The following UGT1A5 variants were observed in gnomAD, a reference collection of about 807,000 sequenced individuals.
UGT1A5 encodes the protein UDP-glucuronosyltransferase 1A5.
Under a neutral mutation model 40.3 loss-of-function variants are expected in UGT1A5, and 29 were observed. That is an observed-to-expected ratio of 0.72 (90% CI 0.54 to 0.98). The LOEUF (loss-of-function observed/expected upper bound fraction) is 0.98, where lower values mean the gene tolerates loss of function less well. UGT1A5 is among the 50% of genes least tolerant of loss of function. UGT1A5 has a pLI of 0.00. For synonymous variants in UGT1A5, 257 were observed against 262.5 expected, an observed-to-expected ratio of 0.98 and a Z score of 0.20; for missense variants, 678 against 677.9, an observed-to-expected ratio of 1.00 and a Z score of 0.00.
At chr2:233,729,141 C>T (rs751723491) in intron 1 of UGT1A5, 1 of 1,613,272 alleles carries the variant, frequency 6.2e-7, no homozygotes, top group Admixed American at 1.7e-5. Flanking sequence ...CCACAGGACT[C>T]CAGGTTCCCC....
chr2:233,767,305 G>GT (rs1444114295), intron 2 of UGT1A5, 140 bp downstream of exon 2: 37 of 1,518,952 alleles, frequency 2.4e-5, no homozygotes, highest in Admixed American at 1.8e-4. Flanking sequence ...TAATCCAAAG[G>GT]TTTTTTTTGT....
chr2:233,719,929 A>G (rs1186808280), intron 1 of UGT1A5, among the ~76,000 whole-genome samples: 1 of 152,194 alleles, frequency 6.6e-6, no homozygotes, highest in African/African-American at 2.4e-5. Context: ...ACTCACGGAC[A>G]GTGTTTGTAA....
rs1231652913 is a variant in UGT1A5 at position 233,713,567 on chromosome 2, C to A, written c.576C>A (p.Ser192=). ...FKGTQCPNPS[S]YIPRLLTTNS... is the part of the protein sequence containing the mutation. The stretch of plus-strand genomic sequence containing the variant: ...GCACACAGTGTCCAAACCCTTCCTC[C>A]TATATTCCTAGATTACTAACGACCA... The change falls in exon 1 of 5, where the codon TCC becomes TCA. Residue 192 remains serine (S), a synonymous_variant. Coordinates refer to ENST00000373414, the MANE Select transcript of UGT1A5 (RefSeq NM_019078.2). 5.6e-6 allele frequency: 9 copies of A among 1,613,854 alleles called. No homozygotes were observed. Among genetic ancestry groups the A allele is most frequent in the Non-Finnish European group, 7.6e-6 (9 of 1,179,870 alleles).
At chr2:233,752,028 A>G (rs754794292) in intron 1 of UGT1A5, among the ~76,000 whole-genome samples, 5 of 152,356 alleles carry the variant, frequency 3.3e-5, no homozygotes, top group South Asian at 4.1e-4. Context: ...AGAAATTCCT[A>G]GAAAGGTAAG....
rs999962124 is a variant in UGT1A5 at position 233,747,799 on chromosome 2, A to G, written c.868-19235A>G. The G allele has an allele frequency of 2.5e-6, 4 of 1,613,352 alleles. No homozygotes were observed. The African/African-American group carries it at 4.0e-5, about 16-fold the overall frequency. ...CCAAATCCTTCCTCCTATATTCCTA[A>G]GTTACTAACGACCAATTCAGACCAC... On this transcript the variant is annotated intron_variant, in intron 1 of 4. Coordinates refer to ENST00000373414, the MANE Select transcript of UGT1A5 (RefSeq NM_019078.2).
At chr2:233,767,390 G>C (rs946979684) in intron 2 of UGT1A5, among the ~76,000 whole-genome samples, 5 of 152,078 alleles carry the variant, frequency 3.3e-5, no homozygotes, top group Admixed American at 2.6e-4. Context: ...ACACTCAGAA[G>C]TATCATTTTC....
Position 233,757,543 on chromosome 2 carries a change from T to TACATATAC in UGT1A5, c.868-9490_868-9489insCATATACA, listed in dbSNP as rs1320189051. ...AAATCTTGCCTGTAAGGAATATATA[T>TACATATAC]ATATATATATATATATATGTATATA... On this transcript the variant is annotated intron_variant, in intron 1 of 4. Transcript: ENST00000373414. Among the ~76,000 whole-genome samples, 305 of 117,198 alleles carry TACATATAC rather than the reference T, an allele frequency of 2.6e-3. 10 individuals are homozygous for TACATATAC. The highest frequency in any genetic ancestry group is 3.4e-3 in the Non-Finnish European group (191 of 55,852). The allele number at this position is 117,198 out of a possible 152,430, so 76.9% of individuals were successfully genotyped here.
Position 233,748,846 on chromosome 2 carries a change from G to A in UGT1A5, c.868-18188G>A, listed in dbSNP as rs117649476. ...CTAGGGAGGAGATAAAACTGTGAGC[G>A]TATAAGCCCAGTTAAGCTGGGGACG... On this transcript the variant is annotated intron_variant, in intron 1 of 4. Transcript: ENST00000373414. Among the ~76,000 whole-genome samples, 30 of 151,478 alleles carry A rather than the reference G, an allele frequency of 2.0e-4. 1 individual carries two copies. The East Asian group carries it at 5.4e-3, about 27-fold the overall frequency.
At chr2:233,764,430 T>C (rs1698558125) in intron 1 of UGT1A5, among the ~76,000 whole-genome samples, 1 of 152,218 alleles carries the variant, frequency 6.6e-6, no homozygotes, top group African/African-American at 2.4e-5. Flanking sequence ...AATCTCCAGA[T>C]GAACTTTTGT....
intron 1 of UGT1A5, among the ~76,000 whole-genome samples, chr2:233,717,449 A>C (rs2076575928): frequency 6.6e-6 from 1 of 152,324 alleles, no homozygotes; most frequent in Admixed American, 6.5e-5. Flanking sequence ...GCATCCATTC[A>C]CTGCCTGTCC....
intron 1 of UGT1A5, chr2:233,729,420 A>G (rs2077855113): frequency 5.6e-6 from 9 of 1,613,854 alleles, no homozygotes; most frequent in Middle Eastern, 1.7e-4. Flanking sequence ...GCCACACTCA[A>G]CTGTACTTTG....
chr2:233,722,026 G>T, intron 1 of UGT1A5: 1 of 245,738 alleles, frequency 4.1e-6, no homozygotes, highest in Non-Finnish European at 8.2e-6. Context: ...GAAACCTCTT[G>T]AATTGCATGA....
rs886183040 is a variant in UGT1A5, at chr2:233,769,751, A to C, written c.1307+1312A>C. 1.1e-5 allele frequency: 16 copies of C among 1,422,712 alleles called. No homozygotes were observed. Among genetic ancestry groups the C allele is most frequent in the Non-Finnish European group, 1.5e-5 (16 of 1,085,126 alleles). 88.1% of individuals were successfully genotyped at this position (1,422,712 alleles called of 1,614,324 possible). A position where few individuals can be genotyped will look rare whatever the true frequency, so the allele number is the denominator to read the frequency against. On this transcript the variant is annotated intron_variant, in intron 4 of 4. Transcript: ENST00000373414. This position sits in a 1 kb window ranked among gnomAD's most constrained non-coding sequence, Gnocchi z 4.4. Reference sequence around the variant, plus strand: ...ACGCCTGTAGTCCCAGCCACTCTGGAGGCTAAGGCGGGAGGATTGCTTGAG... The same window carrying C: ...ACGCCTGTAGTCCCAGCCACTCTGGCGGCTAAGGCGGGAGGATTGCTTGAG...
intron 1 of UGT1A5, among the ~76,000 whole-genome samples, chr2:233,735,242 T>G (rs989843667): frequency 6.6e-6 from 1 of 152,236 alleles, no homozygotes; most frequent in African/African-American, 2.4e-5. Flanking sequence ...CTCTTGTTGT[T>G]GAATTGCTCC....
intron 1 of UGT1A5, chr2:233,741,725 C>G (rs1312283881): frequency 6.6e-6 from 1 of 151,856 alleles, no homozygotes; most frequent in Non-Finnish European, 1.5e-5. Flanking sequence ...AGAGCATATC[C>G]AAACCCATAT....
In UGT1A5 at chr2:233,768,234, C is replaced by G. The variant is rs55750087; in HGVS notation, c.1102C>G (p.Arg368Gly). 2 of 1,614,044 alleles carry G rather than the reference C, an allele frequency of 1.2e-6. No homozygotes were observed. The highest frequency in any genetic ancestry group is 4.5e-5 in the East Asian group (2 of 44,882). Reference protein sequence around the residue: ...QNDLLGHPMTRAFITHAGSHG... With the variant: ...QNDLLGHPMTGAFITHAGSHG... ...TTGCATCTCAGGTCACCCGATGACCCGTGCCTTTATCACCCATGCTGGTTC... is the reference window on the plus strand; with the variant it reads ...TTGCATCTCAGGTCACCCGATGACCGGTGCCTTTATCACCCATGCTGGTTC... Residue 368 changes from arginine (R) to glycine (G), a missense_variant, in exon 4 of 5, where the codon CGT becomes GGT. Arg to Gly is a moderately radical substitution (Grantham distance 125). Coordinates refer to ENST00000373414, the MANE Select transcript of UGT1A5 (RefSeq NM_019078.2).
At chr2:233,743,223 T>C (rs879890998) in intron 1 of UGT1A5, 26 of 414,194 alleles carry the variant, frequency 6.3e-5, no homozygotes, top group Middle Eastern at 7.1e-4. Context: ...TGCTCTTTGC[T>C]ATTTATTATG....
At chr2:233,743,483 T>A in intron 1 of UGT1A5, 1 of 1,367,128 alleles carries the variant, frequency 7.3e-7, no homozygotes, top group Non-Finnish European at 9.8e-7. Flanking sequence ...GGAAATTCAC[T>A]GAAGGCAGAG....
chr2:233,745,544 C>T (rs1418147485), intron 1 of UGT1A5, among the ~76,000 whole-genome samples: 1 of 151,628 alleles, frequency 6.6e-6, no homozygotes, highest in Non-Finnish European at 1.5e-5. Context: ...GTCACCAGAA[C>T]AAACTTCTAA....
Sources: gnomAD v4.1 joint callset for allele counts (sites outside exome capture counted in the v4.1 genomes callset) on GRCh38, gnomAD v4.1.1 for gene constraint, Gnocchi (gnomAD v3.1) non-coding constraint, MANE v1.5 for transcripts, NCBI Gene and HGNC (gene_info 2026-07-23, HGNC 2026-07-21) for gene names.